CDKAL1: variants seen among roughly 807,000 people sequenced by gnomAD.
The protein encoded by CDKAL1 is threonylcarbamoyladenosine tRNA methylthiotransferase.
In CDKAL1, 32 loss-of-function variants were observed where a neutral mutation model predicts 68.2. The observed-to-expected ratio is 0.47, with a 90% confidence interval of 0.35 to 0.63. The LOEUF (loss-of-function observed/expected upper bound fraction) is 0.63, where lower values mean the gene tolerates loss of function less well. Among genes scored for constraint, CDKAL1 ranks in the 30% least tolerant of loss-of-function variants. CDKAL1 has a pLI of 0.00. For synonymous variants in CDKAL1, 234 were observed against 244.3 expected, an observed-to-expected ratio of 0.96 and a Z score of 0.39; for missense variants, 606 against 696.7, an observed-to-expected ratio of 0.87 and a Z score of 1.47.
intron 11 of CDKAL1, among the ~76,000 whole-genome samples, chr6:21,053,239 C>T (rs1480756175): frequency 6.6e-6 from 1 of 152,192 alleles, no homozygotes; most frequent in Non-Finnish European, 1.5e-5. Flanking sequence ...AGCAATCCTT[C>T]GTGTCTTTCA....
Position 21,112,731 on chromosome 6 carries a change from A to G in CDKAL1, c.1299+4268A>G, listed in dbSNP as rs149039010. On this transcript the variant is annotated intron_variant, in intron 13 of 15. Coordinates refer to ENST00000274695, the MANE Select transcript of CDKAL1 (RefSeq NM_017774.3). The stretch of plus-strand genomic sequence containing the variant: ...ATTTATGCACTTGATAAGTTAGCCT[A>G]TGAGTAGAAAGAAAACTAACATTAG... Among the ~76,000 whole-genome samples the G allele has an allele frequency of 3.6e-3, 544 of 152,352 alleles. 4 individuals carry two copies. The highest frequency in any genetic ancestry group is 3.9e-3 in the Non-Finnish European group (266 of 68,032).
chr6:21,206,129 C>G (rs890029991), intron 15 of CDKAL1, among the ~76,000 whole-genome samples: 1 of 152,142 alleles, frequency 6.6e-6, no homozygotes, highest in Non-Finnish European at 1.5e-5. Context: ...CCACACCGGA[C>G]CAGTCAAGCC....
intron 6 of CDKAL1, among the ~76,000 whole-genome samples, chr6:20,740,007 C>T (rs1773376678): frequency 6.6e-6 from 1 of 152,162 alleles, no homozygotes; most frequent in African/African-American, 2.4e-5. Context: ...CTTATACCTA[C>T]CACCACAAGT....
intron 9 of CDKAL1, among the ~76,000 whole-genome samples, chr6:20,895,963 A>G (rs1000416646): frequency 6.6e-6 from 1 of 152,170 alleles, no homozygotes; most frequent in Non-Finnish European, 1.5e-5. Flanking sequence ...CTGGTCTCCA[A>G]CATTATTAGG....
chr6:21,080,994 C>T (rs1260114619), intron 12 of CDKAL1, among the ~76,000 whole-genome samples: 1 of 152,040 alleles, frequency 6.6e-6, no homozygotes, highest in Non-Finnish European at 1.5e-5. Flanking sequence ...TAAAATAACC[C>T]AACTTTAGGA....
chr6:20,965,317 A>AAGAGG (rs998871414), intron 10 of CDKAL1, among the ~76,000 whole-genome samples: 1 of 111,330 alleles, frequency 9.0e-6, no homozygotes, highest in South Asian at 3.5e-4. Context: ...TTGAGAAGAG[A>AAGAGG]AGAGGAGGGG....
chr6:20,999,267 TC>T (rs1561949262), intron 10 of CDKAL1, among the ~76,000 whole-genome samples: 1 of 152,114 alleles, frequency 6.6e-6, no homozygotes, highest in Non-Finnish European at 1.5e-5. Flanking sequence ...TTTTCTTTTT[TC>T]TTTTTCTCTT....
intron 10 of CDKAL1, among the ~76,000 whole-genome samples, chr6:20,983,914 G>A (rs2150779839): frequency 6.6e-6 from 1 of 152,298 alleles, no homozygotes; most frequent in Admixed American, 6.5e-5. Context: ...TATGTATAGA[G>A]AGGATTACAG....
intron 13 of CDKAL1, among the ~76,000 whole-genome samples, chr6:21,191,956 G>T (rs1459215401): frequency 1.5e-5 from 2 of 137,736 alleles, no homozygotes; most frequent in African/African-American, 5.4e-5. Context: ...GAAAGCAAGG[G>T]ATAGTTTTAC....
At chr6:20,623,740 G>A (rs9465836) in intron 4 of CDKAL1, among the ~76,000 whole-genome samples, 74,176 of 151,782 alleles carry the variant, frequency 0.49, 18,281 homozygotes, top group East Asian at 0.64. Context: ...TTTATTATCA[G>A]TCTATTTTGA....
chr6:20,569,649 C>G (rs1164229972), intron 4 of CDKAL1, among the ~76,000 whole-genome samples: 1 of 152,148 alleles, frequency 6.6e-6, no homozygotes, highest in Admixed American at 6.5e-5. Context: ...TGGAAAAATC[C>G]TTTACCTGAA....
At chr6:20,897,706 GATAAA>G (rs1270140794) in intron 9 of CDKAL1, among the ~76,000 whole-genome samples, 11 of 151,898 alleles carry the variant, frequency 7.2e-5, no homozygotes, top group South Asian at 4.2e-4. Context: ...ACTGAATTGA[GATAAA>G]ATAAAGTGAT....
At chr6:21,020,493 G>A (rs1035232347) in intron 11 of CDKAL1, among the ~76,000 whole-genome samples, 7 of 151,926 alleles carry the variant, frequency 4.6e-5, no homozygotes, top group African/African-American at 1.7e-4. Flanking sequence ...TTGAGATAGA[G>A]TTTCACTCTT....
intron 8 of CDKAL1, among the ~76,000 whole-genome samples, chr6:20,814,903 A>G (rs1219801778): frequency 6.6e-6 from 1 of 152,160 alleles, no homozygotes; most frequent in South Asian, 2.1e-4. Flanking sequence ...AACTATTTTT[A>G]CATTGCTAAG....
intron 4 of CDKAL1, among the ~76,000 whole-genome samples, chr6:20,571,515 A>T (rs1764701126): frequency 6.6e-6 from 1 of 151,672 alleles, no homozygotes; most frequent in Admixed American, 6.6e-5. Flanking sequence ...AAATTTGGGG[A>T]CTCTGTCTGC....
chr6:20,690,227 A>G lies in CDKAL1; in HGVS notation c.371+40850A>G, dbSNP rs144299031. Among the ~76,000 whole-genome samples, 245 of 152,326 alleles carry G rather than the reference A, an allele frequency of 1.6e-3. 1 individual carries two copies. Among genetic ancestry groups the G allele is most frequent in the African/African-American group, 5.2e-3 (217 of 41,578 alleles). Reference sequence around the variant, plus strand: ...AAATGGCTATGTAATATTTCATTTTATGGATATACTATAAGTTGTATATAT... The same window carrying G: ...AAATGGCTATGTAATATTTCATTTTGTGGATATACTATAAGTTGTATATAT... On this transcript the variant is annotated intron_variant, in intron 5 of 15. Coordinates refer to ENST00000274695, the MANE Select transcript of CDKAL1 (RefSeq NM_017774.3).
At chr6:21,144,704 G>A (rs1776079909) in intron 13 of CDKAL1, among the ~76,000 whole-genome samples, 1 of 151,934 alleles carries the variant, frequency 6.6e-6, no homozygotes, top group Non-Finnish European at 1.5e-5. Flanking sequence ...GGAGGCTCAG[G>A]TAGGAGGATC....
At chr6:20,585,144 C>T (rs113289068) in intron 4 of CDKAL1, among the ~76,000 whole-genome samples, 2,487 of 151,500 alleles carry the variant, frequency 0.016, 78 homozygotes, top group African/African-American at 0.057. Flanking sequence ...GCAAGCTCCG[C>T]CTCCCGGGTT....
chr6:21,130,241 T>TTTG (rs1775236402), intron 13 of CDKAL1, among the ~76,000 whole-genome samples: 2 of 133,814 alleles, frequency 1.5e-5, no homozygotes. Flanking sequence ...TTTTTTTTTT[T>TTTG]GAGATGTAGT....
Sources: allele counts gnomAD v4.1 joint callset (sites outside exome capture counted in the v4.1 genomes callset), GRCh38; gene constraint gnomAD v4.1.1; transcripts MANE v1.5; gene names NCBI Gene and HGNC (gene_info 2026-07-23, HGNC 2026-07-21).